The following FYN variants were observed in gnomAD, a reference collection of about 807,000 sequenced individuals.
The protein encoded by FYN is FYN proto-oncogene, Src family tyrosine kinase, also known as tyrosine-protein kinase Fyn.
Under a neutral mutation model 70.2 loss-of-function variants are expected in FYN, and 10 were observed. That is an observed-to-expected ratio of 0.14 (90% CI 0.09 to 0.24). FYN has a LOEUF of 0.24. Ranked by LOEUF, FYN falls within the 10% of genes least tolerant of loss-of-function variation. The probability of loss-of-function intolerance (pLI) is 1.00; values close to 1 mark genes in which losing one functional copy is unlikely to be tolerated. For synonymous variants in FYN, 236 were observed against 248.6 expected (o/e 0.95, Z 0.48); for missense variants, 319 against 673.1 (o/e 0.47, Z 5.82).
chr6:111,662,017 C>A, intron 13 of FYN, 70 bp from the exon 14 acceptor site: 2 of 1,302,818 alleles, frequency 1.5e-6, no homozygotes, highest in African/African-American at 1.5e-5. Context: ...CTTGCAGATC[C>A]CCTTTCTTCT....
chr6:111,820,345 C>G (rs1248134923), intron 2 of FYN, among the ~76,000 whole-genome samples: 1 of 151,930 alleles, frequency 6.6e-6, no homozygotes, highest in Non-Finnish European at 1.5e-5. Flanking sequence ...AAATACACAC[C>G]CATTCAAAAT....
intron 3 of FYN, among the ~76,000 whole-genome samples, chr6:111,769,816 A>T (rs1485050715): frequency 6.6e-6 from 1 of 152,184 alleles, no homozygotes; most frequent in African/African-American, 2.4e-5. Flanking sequence ...TGCTGTGGAG[A>T]AGTTTAAAAG....
chr6:111,787,876 C>A (rs1771458467), intron 2 of FYN, among the ~76,000 whole-genome samples: 3 of 152,188 alleles, frequency 2.0e-5, no homozygotes, highest in South Asian at 2.1e-4. Context: ...CTAGAAAGAC[C>A]AATGACTTCC....
At chr6:111,755,427 T>C (rs980958411) in intron 3 of FYN, among the ~76,000 whole-genome samples, 10 of 152,154 alleles carry the variant, frequency 6.6e-5, no homozygotes, top group African/African-American at 2.2e-4. Flanking sequence ...AAGTGACACA[T>C]ACAGTGAGAG....
intron 3 of FYN, among the ~76,000 whole-genome samples, chr6:111,726,500 C>T (rs1372040967): frequency 6.6e-6 from 1 of 152,150 alleles, no homozygotes; most frequent in East Asian, 1.9e-4. Flanking sequence ...GGGAATTTGT[C>T]CACAGCTATG....
At chr6:111,712,195 G>A (rs374295016) in intron 5 of FYN, among the ~76,000 whole-genome samples, 33 of 152,220 alleles carry the variant, frequency 2.2e-4, no homozygotes, top group African/African-American at 7.2e-4. Context: ...ACAGACGCAC[G>A]TGCAGTGTGG....
At chr6:111,778,848 G>T (rs1464098640) in intron 3 of FYN, among the ~76,000 whole-genome samples, 2 of 151,638 alleles carry the variant, frequency 1.3e-5, no homozygotes, top group East Asian at 3.9e-4. Context: ...AAATGCTGGG[G>T]TTTTTTTTCT....
rs1799468508 is a variant in FYN, at chr6:111,694,080, A to G, written c.1273+295T>C. ...TGGTCTCTTTCTCCAAAAACAGAGT[A>G]TTCTAGGCCTGGACGCTGTGAGGAG... On this transcript the variant is annotated intron_variant, in intron 12 of 13. Coordinates refer to ENST00000354650, the MANE Select transcript of FYN (RefSeq NM_002037.5). This position sits in a 1 kb window ranked among gnomAD's most constrained non-coding sequence, Gnocchi z 5.0. 1.3e-5 allele frequency among the ~76,000 whole-genome samples: 2 copies of G among 152,152 alleles called. No individual in the cohort carries two copies. Among genetic ancestry groups the G allele is most frequent in the South Asian group, 4.1e-4 (2 of 4,820 alleles).
chr6:111,826,887 T>C (rs900251074), intron 2 of FYN, among the ~76,000 whole-genome samples: 1 of 152,218 alleles, frequency 6.6e-6, no homozygotes, highest in African/African-American at 2.4e-5. Context: ...TTCTGTTTCT[T>C]TGATAAAATC....
At chr6:111,797,980 C>T (rs1463603790) in intron 2 of FYN, among the ~76,000 whole-genome samples, 2 of 152,070 alleles carry the variant, frequency 1.3e-5, no homozygotes, top group Middle Eastern at 3.4e-3. Flanking sequence ...CCAGGCTGGT[C>T]TCAAACTCCT....
chr6:111,716,486 AC>A (rs1328887351), intron 4 of FYN, among the ~76,000 whole-genome samples: 2 of 152,140 alleles, frequency 1.3e-5, no homozygotes, highest in African/African-American at 4.8e-5. Context: ...CCCTCTGTGT[AC>A]CTAGTACAGT....
rs2128435593 is a variant in FYN, at chr6:111,694,185, C to A, written c.1273+190G>T. 6.6e-6 allele frequency among the ~76,000 whole-genome samples: 1 copy of A among 152,260 alleles called. No individual in the cohort carries two copies. The highest frequency in any genetic ancestry group is 1.5e-5 in the Non-Finnish European group (1 of 68,018). ...CAAAAACCAATATCTCATCCCTCCA[C>A]TGGGCCCACAACAGTCTCCCACCTG... On this transcript the variant is annotated intron_variant, in intron 12 of 13. Coordinates refer to ENST00000354650, the MANE Select transcript of FYN (RefSeq NM_002037.5). The surrounding 1 kb of genome is among the most constrained non-coding windows in gnomAD (Gnocchi z 5.0).
chr6:111,841,916 A>G (rs1282059647), intron 2 of FYN, among the ~76,000 whole-genome samples: 2 of 152,024 alleles, frequency 1.3e-5, no homozygotes. Flanking sequence ...CATAACAACT[A>G]TTTTTGGGCC....
chr6:111,753,389 T>C (rs1459965361), intron 3 of FYN, among the ~76,000 whole-genome samples: 4 of 152,152 alleles, frequency 2.6e-5, no homozygotes, highest in African/African-American at 7.2e-5. Context: ...GTGGGGCTGA[T>C]TGGTGAGCTC....
chr6:111,792,005 A>G (rs955457314), intron 2 of FYN, among the ~76,000 whole-genome samples: 27 of 151,478 alleles, frequency 1.8e-4, no homozygotes, highest in African/African-American at 6.1e-4. Flanking sequence ...GAGAACACAA[A>G]AAGTGTTAAC....
intron 1 of FYN, among the ~76,000 whole-genome samples, chr6:111,870,827 A>G (rs574952967): frequency 7.9e-5 from 12 of 152,166 alleles, no homozygotes; most frequent in Non-Finnish European, 1.3e-4. Context: ...CTCACATTCA[A>G]CCTTATCATT....
intron 3 of FYN, among the ~76,000 whole-genome samples, chr6:111,765,450 C>A (rs1803193680): frequency 1.3e-5 from 2 of 152,130 alleles, no homozygotes; most frequent in Admixed American, 1.3e-4. Flanking sequence ...AGGAGGGAGG[C>A]TCACCAGACC....
At position 111,763,807 on chromosome 6, in the gene FYN, C is replaced by T. The variant is rs957698916; in HGVS notation, c.-12+16759G>A. 3.3e-5 allele frequency among the ~76,000 whole-genome samples: 5 copies of T among 152,232 alleles called. No individual in the cohort carries two copies. The East Asian group carries it at 5.8e-4, about 18-fold the overall frequency. On this transcript the variant is annotated intron_variant, in intron 3 of 13. Coordinates refer to ENST00000354650, the MANE Select transcript of FYN (RefSeq NM_002037.5). ...GTGTGAATGCTTGCTTGAGCACTTA[C>T]TAGCTGGGAGACTTTGGGCAGGTGT...
intron 13 of FYN, among the ~76,000 whole-genome samples, chr6:111,666,598 T>C (rs1264958360): frequency 6.6e-6 from 1 of 152,172 alleles, no homozygotes; most frequent in Non-Finnish European, 1.5e-5. Flanking sequence ...TTCGGGAAGC[T>C]GAGGCAGGCA....
Sources: gnomAD v4.1 joint callset for allele counts (sites outside exome capture counted in the v4.1 genomes callset) on GRCh38, gnomAD v4.1.1 for gene constraint, Gnocchi (gnomAD v3.1) non-coding constraint, MANE v1.5 for transcripts, NCBI Gene and HGNC (gene_info 2026-07-23, HGNC 2026-07-21) for gene names.